GALNTL6: variants seen among roughly 807,000 people sequenced by gnomAD.
The protein encoded by GALNTL6 is polypeptide N-acetylgalactosaminyltransferase-like 6.
GALNTL6 carries 46 observed loss-of-function variants against 73.7 expected under a neutral mutation model. That is an observed-to-expected ratio of 0.62 (90% CI 0.49 to 0.80). GALNTL6 has a LOEUF of 0.80. Among genes scored for constraint, GALNTL6 ranks in the 30% least tolerant of loss-of-function variants. The pLI is 0.00. For missense variants in GALNTL6, 604 were observed against 755.0 expected (o/e 0.80, Z 2.34); for synonymous variants, 259 against 263.7 (o/e 0.98, Z 0.17).
chr4:172,620,620 G>A (rs998983258), intron 5 of GALNTL6, among the ~76,000 whole-genome samples: 15 of 152,032 alleles, frequency 9.9e-5, no homozygotes, highest in African/African-American at 3.4e-4. Flanking sequence ...TTACTTTAAA[G>A]GTTGTTACAG....
intron 2 of GALNTL6, among the ~76,000 whole-genome samples, chr4:171,948,962 TACAC>T (rs3080339): frequency 0.34 from 42,360 of 123,392 alleles, 7,176 homozygotes; most frequent in African/African-American, 0.51. Flanking sequence ...CATATATATA[TACAC>T]ACACACACAC....
chr4:172,445,225 A>G lies in GALNTL6; in HGVS notation c.553+96536A>G, dbSNP rs537786524. Among the ~76,000 whole-genome samples the G allele has an allele frequency of 3.3e-5, 5 of 152,284 alleles. No individual in the cohort carries two copies. The South Asian group carries it at 6.2e-4, about 19-fold the overall frequency. ...AGCCACAGCTCATTTTAATTCTTGC[A>G]TTTATGATAACGCTATGTCATTACA... On this transcript the variant is annotated intron_variant, in intron 5 of 12. Coordinates refer to ENST00000506823, the MANE Select transcript of GALNTL6 (RefSeq NM_001034845.3).
intron 2 of GALNTL6, among the ~76,000 whole-genome samples, chr4:172,104,990 T>G (rs563390788): frequency 3.5e-4 from 53 of 151,986 alleles, no homozygotes; most frequent in Middle Eastern, 3.2e-3. Context: ...CAAATTGCCT[T>G]GAAAAAGTCA....
At chr4:172,086,556 C>G (rs1424406952) in intron 2 of GALNTL6, among the ~76,000 whole-genome samples, 3 of 151,984 alleles carry the variant, frequency 2.0e-5, no homozygotes, top group African/African-American at 7.2e-5. Flanking sequence ...AAATAAGATA[C>G]CTATAAACAC....
At chr4:172,098,084 T>C (rs1426299346) in intron 2 of GALNTL6, among the ~76,000 whole-genome samples, 2 of 152,140 alleles carry the variant, frequency 1.3e-5, no homozygotes, top group African/African-American at 4.8e-5. Context: ...TAATAATCTG[T>C]ATTAGAAAGC....
At chr4:172,487,943 C>G (rs1733758033) in intron 5 of GALNTL6, among the ~76,000 whole-genome samples, 1 of 152,126 alleles carries the variant, frequency 6.6e-6, no homozygotes, top group African/African-American at 2.4e-5. Context: ...GAGAATAGAG[C>G]AAGGCTGCCA....
At chr4:171,905,161 A>C (rs1174835853) in intron 2 of GALNTL6, among the ~76,000 whole-genome samples, 2 of 152,164 alleles carry the variant, frequency 1.3e-5, no homozygotes, top group Non-Finnish European at 2.9e-5. Flanking sequence ...CTTTAAATGT[A>C]AATGGACTAA....
rs141749981 is a variant in GALNTL6 at position 172,085,394 on chromosome 4, A to T, written c.139-144262A>T. On this transcript the variant is annotated intron_variant, in intron 2 of 12. Coordinates refer to ENST00000506823, the MANE Select transcript of GALNTL6 (RefSeq NM_001034845.3). ...ATACGTTTCCATTATGTGATTAAAA[A>T]TATGAAATACATTACAGGCATGGTG... is the stretch of plus-strand genomic sequence containing the variant. 2.0e-5 allele frequency among the ~76,000 whole-genome samples: 3 copies of T among 152,262 alleles called. No homozygotes were observed. In the East Asian group the frequency reaches 5.8e-4, roughly 29 times the overall value.
At chr4:172,339,515 T>C (rs333415) in intron 4 of GALNTL6, among the ~76,000 whole-genome samples, 26,638 of 152,118 alleles carry the variant, frequency 0.18, 2,410 homozygotes, top group East Asian at 0.36. Context: ...ATCGCTGGCC[T>C]GAGACTAAAA....
chr4:172,092,609 C>A (rs988121805), intron 2 of GALNTL6, among the ~76,000 whole-genome samples: 2 of 151,964 alleles, frequency 1.3e-5, no homozygotes, highest in African/African-American at 4.8e-5. Context: ...AATAGTCATT[C>A]ATTTAGCCAA....
At chr4:172,235,271 G>C (rs1737202747) in intron 3 of GALNTL6, among the ~76,000 whole-genome samples, 1 of 150,758 alleles carries the variant, frequency 6.6e-6, no homozygotes, top group Non-Finnish European at 1.5e-5. Context: ...GCAGTGGTGT[G>C]ATCTCGGCTC....
chr4:172,894,885 T>A (rs953706193), intron 8 of GALNTL6, among the ~76,000 whole-genome samples: 1 of 152,086 alleles, frequency 6.6e-6, no homozygotes, highest in Admixed American at 6.5e-5. Context: ...GCACATGTAT[T>A]TATAATTGTT....
At chr4:172,424,688 T>C (rs1164854501) in intron 5 of GALNTL6, among the ~76,000 whole-genome samples, 1 of 152,018 alleles carries the variant, frequency 6.6e-6, no homozygotes, top group East Asian at 1.9e-4. Context: ...TGCCCTGATA[T>C]CAATATCCAA....
intron 3 of GALNTL6, among the ~76,000 whole-genome samples, chr4:172,304,425 G>GAAA (rs3083267): frequency 1.4e-3 from 206 of 149,846 alleles, no homozygotes; most frequent in Middle Eastern, 3.5e-3. Context: ...TAGTATATGG[G>GAAA]AAAAAAAAAA....
chr4:171,975,400 C>T (rs72993069), intron 2 of GALNTL6, among the ~76,000 whole-genome samples: 1 of 151,858 alleles, frequency 6.6e-6, no homozygotes, highest in Non-Finnish European at 1.5e-5. Flanking sequence ...TACTGAGTGG[C>T]CTAAAAAAGA....
chr4:172,639,805 T>C (rs1289378442), intron 5 of GALNTL6, among the ~76,000 whole-genome samples: 3 of 152,132 alleles, frequency 2.0e-5, no homozygotes, highest in South Asian at 2.1e-4. Flanking sequence ...ACTGTTACCA[T>C]AGGTGAAATT....
chr4:172,092,911 G>A (rs1221407296), intron 2 of GALNTL6, among the ~76,000 whole-genome samples: 1 of 118,314 alleles, frequency 8.5e-6, no homozygotes, highest in Non-Finnish European at 1.7e-5. Context: ...GTCTTGCTCT[G>A]TCACCACGCT....
chr4:172,553,687 A>C (rs877858), intron 5 of GALNTL6, among the ~76,000 whole-genome samples: 6,809 of 152,188 alleles, frequency 0.045, 478 homozygotes, highest in African/African-American at 0.15. Flanking sequence ...TATATTATTA[A>C]ATAGAATTTA....
At chr4:172,609,197 A>C (rs2111044383) in intron 5 of GALNTL6, among the ~76,000 whole-genome samples, 2 of 152,254 alleles carry the variant, frequency 1.3e-5, no homozygotes, top group East Asian at 3.9e-4. Flanking sequence ...AGGAGTAGTG[A>C]GAGTGGGCAT....
Sources: gnomAD v4.1 joint callset for allele counts (sites outside exome capture counted in the v4.1 genomes callset) on GRCh38, gnomAD v4.1.1 for gene constraint, MANE v1.5 for transcripts, NCBI Gene and HGNC (gene_info 2026-07-23, HGNC 2026-07-21) for gene names.